Variants in FAT4 observed in about 807,000 individuals in gnomAD.
FAT4 encodes protocadherin Fat 4.
A neutral mutation model predicts 303.9 loss-of-function variants in FAT4; 84 were observed. That is an observed-to-expected ratio of 0.28 (90% CI 0.23 to 0.33). The LOEUF (loss-of-function observed/expected upper bound fraction) is 0.33. FAT4 is among the 10% of genes least tolerant of loss of function. The pLI is 1.00. For missense variants in FAT4, 6,005 were observed against 6,146.8 expected (o/e 0.98, Z 0.77); for synonymous variants, 2,307 against 2,298.8 (o/e 1.00, Z -0.10).
chr4:125,379,411 A>T (rs940499436), intron 2 of FAT4, among the ~76,000 whole-genome samples: 5 of 152,224 alleles, frequency 3.3e-5, no homozygotes, highest in Non-Finnish European at 5.9e-5. Flanking sequence ...GAGAGTTTAT[A>T]AAAAAGTTAT....
Position 125,316,611 on chromosome 4 carries a change from G to T in FAT4, c.200G>T (p.Arg67Leu), listed in dbSNP as rs1730609460. 1 of 1,613,848 alleles carries T rather than the reference G, an allele frequency of 6.2e-7. No homozygotes were observed. Among genetic ancestry groups the T allele is most frequent in the Non-Finnish European group, 8.5e-7 (1 of 1,180,018 alleles). ...ACTCTGGTAGGCACCATCCAGACGC[G>T]CCCCGGCTTCACCTACAGGCTCAGC... ...PGTLVGTIQTRPGFTYRLSES... is the reference protein window; with the variant it reads ...PGTLVGTIQTLPGFTYRLSES... The change falls in exon 2 of 18, where the codon CGC becomes CTC. Residue 67 changes from arginine to leucine, a missense_variant. Transcript: ENST00000394329. The surrounding 1 kb of genome is among the most constrained non-coding windows in gnomAD (Gnocchi z 5.7).
chr4:125,330,397 G>C (rs967353448), intron 2 of FAT4, among the ~76,000 whole-genome samples: 16 of 152,280 alleles, frequency 1.1e-4, no homozygotes, highest in Middle Eastern at 3.4e-3. Context: ...CATGTTAAAT[G>C]TTGGAATGCC....
At chr4:125,322,798 G>A (rs1244900305) in intron 2 of FAT4, among the ~76,000 whole-genome samples, 2 of 151,422 alleles carry the variant, frequency 1.3e-5, no homozygotes, top group Non-Finnish European at 2.9e-5. Context: ...ATCTATGGAT[G>A]GGGAAGAATA....
At chr4:125,459,727 G>A (rs932426212) in intron 10 of FAT4, among the ~76,000 whole-genome samples, 9 of 152,062 alleles carry the variant, frequency 5.9e-5, no homozygotes, top group Non-Finnish European at 7.4e-5. Flanking sequence ...GCCTGAAGGC[G>A]TTTGGCAAGT....
Position 125,450,871 on chromosome 4 carries a change from T to C in FAT4, c.9861T>C (p.Asn3287=). The change falls in exon 10 of 18, where the codon AAT becomes AAC. Residue 3287 remains asparagine, a synonymous_variant. Coordinates refer to ENST00000394329, the MANE Select transcript of FAT4 (RefSeq NM_001291303.3). ...DEERCSFATV[N]IQLKGTNEYV... is the part of the protein sequence containing the mutation. ...AAAGGTGTAGCTTTGCCACTGTTAATATACAATTAAAAGGGACAAATGAAT... is the reference window on the plus strand; with the variant it reads ...AAAGGTGTAGCTTTGCCACTGTTAACATACAATTAAAAGGGACAAATGAAT... 1 of 1,614,114 alleles carries C rather than the reference T, an allele frequency of 6.2e-7. No homozygotes were observed. The highest frequency in any genetic ancestry group is 8.5e-7 in the Non-Finnish European group (1 of 1,180,008).
rs1727630159 is a variant in FAT4 at position 125,491,280 on chromosome 4, A to G, written c.14464A>G (p.Arg4822Gly). Residue 4822 changes from arginine to glycine, a missense_variant, in exon 18 of 18, where the codon AGA becomes GGA. Transcript: ENST00000394329. Reference protein sequence around the residue: ...HGRSSSEEDCRRPLSRTRNPA... With the variant: ...HGRSSSEEDCGRPLSRTRNPA... ...GAGGTCTTCTTCAGAGGAGGACTGC[A>G]GAAGGCCACTGTCTAGAACAAGGAA... is the stretch of plus-strand genomic sequence containing the variant. The G allele has an allele frequency of 2.5e-6, 4 of 1,614,056 alleles. No individual in the cohort carries two copies. Among genetic ancestry groups the G allele is most frequent in the Non-Finnish European group, 3.4e-6 (4 of 1,180,040 alleles).
intron 2 of FAT4, among the ~76,000 whole-genome samples, chr4:125,345,979 T>A (rs1255553103): frequency 6.6e-6 from 1 of 152,134 alleles, no homozygotes; most frequent in South Asian, 2.1e-4. Flanking sequence ...TCTTTTTTTT[T>A]ATATATAATT....
intron 2 of FAT4, 98 bp downstream of exon 2, chr4:125,321,684 A>G: frequency 1.6e-6 from 2 of 1,228,360 alleles, no homozygotes; most frequent in Non-Finnish European, 2.2e-6. Flanking sequence ...TTCATTGTTT[A>G]TTGTTAAATT....
intron 12 of FAT4, among the ~76,000 whole-genome samples, chr4:125,470,463 G>A (rs1042887542): frequency 6.6e-6 from 1 of 152,044 alleles, no homozygotes; most frequent in African/African-American, 2.4e-5. Flanking sequence ...TTTTTACATT[G>A]AAAGTCTGTT....
At chr4:125,447,424 G>T (rs1360134384) in intron 9 of FAT4, among the ~76,000 whole-genome samples, 1 of 151,990 alleles carries the variant, frequency 6.6e-6, no homozygotes, top group African/African-American at 2.4e-5. Context: ...AAATTTATGT[G>T]CCAACTTTCT....
intron 10 of FAT4, among the ~76,000 whole-genome samples, chr4:125,454,836 A>C (rs1439822654): frequency 6.6e-6 from 1 of 152,156 alleles, no homozygotes. Context: ...CTCCATTTCA[A>C]AACAAACAAA....
At position 125,451,144 on chromosome 4, in the gene FAT4, G is replaced by A. The variant is rs1212862158; in HGVS notation, c.10134G>A (p.Lys3378=). 1 of 1,614,152 alleles carries A rather than the reference G, an allele frequency of 6.2e-7. No individual in the cohort carries two copies. Among genetic ancestry groups the A allele is most frequent in the Non-Finnish European group, 8.5e-7 (1 of 1,180,020 alleles). The change falls in exon 10 of 18, where the codon AAG becomes AAA. Residue 3378 remains lysine (K), a synonymous_variant. Coordinates refer to ENST00000394329, the MANE Select transcript of FAT4 (RefSeq NM_001291303.3). ...GGGTGTCTTTGAAGGTATTGGCCAAGAACTTTGGCAGCATTAGAGGTGCAG... is the reference window on the plus strand; with the variant it reads ...GGGTGTCTTTGAAGGTATTGGCCAAAAACTTTGGCAGCATTAGAGGTGCAG... The part of the protein sequence containing the change: ...EERVSLKVLA[K]NFGSIRGADI...
chr4:125,324,635 C>G (rs919374574), intron 2 of FAT4, among the ~76,000 whole-genome samples: 5 of 152,072 alleles, frequency 3.3e-5, no homozygotes, highest in African/African-American at 1.2e-4. Flanking sequence ...CGTGGGTGTT[C>G]TGATATGGAG....
At chr4:125,483,741 G>T (rs1371316155) in intron 16 of FAT4, among the ~76,000 whole-genome samples, 1 of 151,984 alleles carries the variant, frequency 6.6e-6, no homozygotes, top group Non-Finnish European at 1.5e-5. Context: ...GGGCTTGGCA[G>T]GTAAAGAGAA....
rs750132558 is a variant in FAT4, at chr4:125,408,642, G to A, written c.5768G>A (p.Gly1923Glu). 1.2e-6 allele frequency: 2 copies of A among 1,610,664 alleles called. No individual in the cohort carries two copies. Among genetic ancestry groups the A allele is most frequent in the Non-Finnish European group, 1.7e-6 (2 of 1,177,530 alleles). Residue 1923 changes from glycine (G) to glutamate (E), a missense_variant, in exon 5 of 18, where the codon GGA becomes GAA. Gly to Glu is a moderately conservative substitution (Grantham distance 98). Coordinates refer to ENST00000394329, the MANE Select transcript of FAT4 (RefSeq NM_001291303.3). ...ACTGTTCGAGCAGAAGATGGTGGGG[G>A]ACAATTTACTACCATCAGAGTTTAT... ...ILTVRAEDGG[G>E]QFTTIRVYFN... is the part of the protein sequence containing the mutation.
chr4:125,318,102 C>G lies in FAT4; in HGVS notation c.1691C>G (p.Ser564Cys), dbSNP rs527314561. The G allele has an allele frequency of 6.2e-7, 1 of 1,614,134 alleles. No individual in the cohort carries two copies. The highest frequency in any genetic ancestry group is 2.2e-5 in the East Asian group (1 of 44,864). Residue 564 changes from serine (S) to cysteine (C), a missense_variant, in exon 2 of 18, where the codon TCC becomes TGC. Physicochemically the swap from Ser to Cys is moderately radical, Grantham distance 112. Transcript: ENST00000394329. ...ARDQGVHPKV[S>C]YAQLVVTLLD... ...GACCAGGGAGTTCACCCCAAGGTGT[C>G]CTATGCCCAGCTTGTAGTAACTCTC...
At chr4:125,437,036 G>A (rs939665287) in intron 8 of FAT4, among the ~76,000 whole-genome samples, 1 of 151,938 alleles carries the variant, frequency 6.6e-6, no homozygotes, top group Non-Finnish European at 1.5e-5. Context: ...TGTATTTTTA[G>A]TTGAGATGGG....
intron 2 of FAT4, among the ~76,000 whole-genome samples, chr4:125,359,810 G>C (rs1387048009): frequency 6.6e-6 from 1 of 152,206 alleles, no homozygotes; most frequent in African/African-American, 2.4e-5. Flanking sequence ...GTGTGTTTGT[G>C]GGGAGGGAGG....
intron 10 of FAT4, among the ~76,000 whole-genome samples, chr4:125,458,660 C>T (rs191993907): frequency 3.0e-4 from 46 of 151,878 alleles, no homozygotes; most frequent in Admixed American, 2.5e-3. Flanking sequence ...AGCTTAAATG[C>T]TTATTTCTGT....
Sources: allele counts gnomAD v4.1 joint callset (sites outside exome capture counted in the v4.1 genomes callset), GRCh38; gene constraint gnomAD v4.1.1; non-coding constraint Gnocchi (gnomAD v3.1); transcripts MANE v1.5; gene names NCBI Gene and HGNC (gene_info 2026-07-23, HGNC 2026-07-21).